Variants in UTRN observed in about 807,000 individuals in gnomAD.
UTRN encodes the protein utrophin.
In UTRN, 283 loss-of-function variants were observed where a neutral mutation model predicts 463.9. The observed-to-expected ratio is 0.61, with a 90% CI of 0.55 to 0.67. The LOEUF is 0.67. Among genes scored for constraint, UTRN ranks in the 30% least tolerant of loss-of-function variants. UTRN has a pLI of 0.00. For missense variants in UTRN, 3,922 were observed against 4,084.3 expected (o/e 0.96, Z 1.08); for synonymous variants, 1,442 against 1,431.5 (o/e 1.01, Z -0.17).
intron 3 of UTRN, among the ~76,000 whole-genome samples, chr6:144,404,386 C>T (rs1002858671): frequency 2.0e-5 from 3 of 152,132 alleles, no homozygotes; most frequent in African/African-American, 4.8e-5. Context: ...ATGTGCATCT[C>T]GGGCTTGACA....
chr6:144,313,305 T>C (rs1008780846), intron 2 of UTRN, among the ~76,000 whole-genome samples: 4 of 151,352 alleles, frequency 2.6e-5, no homozygotes, highest in African/African-American at 9.7e-5. Context: ...ATATGGCTTG[T>C]GCTGAGCTAG....
intron 19 of UTRN, among the ~76,000 whole-genome samples, chr6:144,455,989 A>G (rs954413373): frequency 4.6e-5 from 7 of 152,218 alleles, no homozygotes; most frequent in Non-Finnish European, 7.3e-5. Flanking sequence ...GCCCAATTTC[A>G]TAGGAAACCT....
intron 74 of UTRN, among the ~76,000 whole-genome samples, chr6:144,850,569 C>T (rs1782405342): frequency 6.6e-6 from 1 of 152,088 alleles, no homozygotes; most frequent in Non-Finnish European, 1.5e-5. Context: ...TGATTCCTGC[C>T]TTGCCTTCCT....
intron 2 of UTRN, among the ~76,000 whole-genome samples, chr6:144,328,018 A>G (rs987457946): frequency 2.6e-5 from 4 of 152,110 alleles, no homozygotes; most frequent in African/African-American, 9.7e-5. Flanking sequence ...TGAATTTCCA[A>G]CTGCTAGGCT....
At chr6:144,766,039 G>T (rs1793292042) in intron 58 of UTRN, among the ~76,000 whole-genome samples, 1 of 151,358 alleles carries the variant, frequency 6.6e-6, no homozygotes, top group African/African-American at 2.4e-5. Flanking sequence ...ATAACCTGAG[G>T]AATATATAAG....
Position 144,354,725 on chromosome 6 carries a change from T to C in UTRN, c.80-48398T>C, listed in dbSNP as rs1376288944. Among the ~76,000 whole-genome samples, 3 of 152,308 alleles carry C rather than the reference T, an allele frequency of 2.0e-5. No individual in the cohort carries two copies. The East Asian group carries it at 5.8e-4, about 29-fold the overall frequency. ...GACACCTTCTCTAGGAATTCTCTGC[T>C]GACTTCCAAGTGTGGGTTGGGTGCC... is the stretch of plus-strand genomic sequence containing the variant. On this transcript the variant is annotated intron_variant, in intron 2 of 74. Transcript: ENST00000367545.
intron 2 of UTRN, among the ~76,000 whole-genome samples, chr6:144,376,440 C>T (rs933071320): frequency 4.0e-5 from 6 of 149,904 alleles, no homozygotes; most frequent in African/African-American, 7.4e-5. Flanking sequence ...GGTGACAGAG[C>T]GACACTCTGT....
chr6:144,527,152 C>G (rs537459740), intron 41 of UTRN, among the ~76,000 whole-genome samples: 3 of 152,150 alleles, frequency 2.0e-5, no homozygotes, highest in African/African-American at 7.2e-5. Context: ...GGATTTGTTT[C>G]AAGACTTAGA....
intron 51 of UTRN, among the ~76,000 whole-genome samples, chr6:144,593,342 A>T (rs1030502135): frequency 2.0e-5 from 3 of 152,144 alleles, no homozygotes; most frequent in Non-Finnish European, 2.9e-5. Context: ...ATTTTATTAA[A>T]CTAAAAAAAT....
chr6:144,521,892 C>A, intron 39 of UTRN, 88 bp from the exon 40 acceptor site: 1 of 901,434 alleles, frequency 1.1e-6, no homozygotes, highest in Non-Finnish European at 1.4e-6. Flanking sequence ...TGCATTCCTT[C>A]ACACAATAGT....
At chr6:144,334,659 G>A (rs944587885) in intron 2 of UTRN, among the ~76,000 whole-genome samples, 1 of 152,152 alleles carries the variant, frequency 6.6e-6, no homozygotes, top group African/African-American at 2.4e-5. Context: ...GAAGACAGGA[G>A]GTATTGCATA....
At chr6:144,628,977 A>G (rs569139507) in intron 51 of UTRN, among the ~76,000 whole-genome samples, 1 of 152,326 alleles carries the variant, frequency 6.6e-6, no homozygotes, top group African/African-American at 2.4e-5. Flanking sequence ...AGGTTCTGCA[A>G]CTGTTAAATT....
chr6:144,675,350 G>C (rs1562747193), intron 51 of UTRN, among the ~76,000 whole-genome samples: 1 of 152,182 alleles, frequency 6.6e-6, no homozygotes, highest in Non-Finnish European at 1.5e-5. Flanking sequence ...ACCTGCTCCA[G>C]TGGAGGCTGC....
rs1188536654 is a variant in UTRN at position 144,451,430 on chromosome 6, G to A, written c.2133G>A (p.Gln711=). 1.9e-6 allele frequency: 3 copies of A among 1,613,214 alleles called. No homozygotes were observed. In the African/African-American group the frequency reaches 4.0e-5, roughly 22 times the overall value. The part of the protein sequence containing the change: ...NWILKWKTAI[Q]TTEIKEYMKM... The stretch of plus-strand genomic sequence containing the variant: ...TTTTGAAATGGAAAACTGCCATTCA[G>A]ACCACAGAGATAAAAGAGTATATGA... Residue 711 remains glutamine (Q), a synonymous_variant, in exon 18 of 75, where the codon CAG becomes CAA. Transcript: ENST00000367545.
intron 59 of UTRN, among the ~76,000 whole-genome samples, chr6:144,773,274 A>G (rs1453783778): frequency 2.0e-5 from 3 of 152,186 alleles, no homozygotes; most frequent in Non-Finnish European, 2.9e-5. Context: ...AGCTCCATGA[A>G]TAGTGAACTG....
At chr6:144,657,369 C>T (rs746329569) in intron 51 of UTRN, among the ~76,000 whole-genome samples, 3 of 151,784 alleles carry the variant, frequency 2.0e-5, no homozygotes, top group Non-Finnish European at 2.9e-5. Flanking sequence ...TCGTTTCTAC[C>T]TTAGCAGAGG....
chr6:144,454,112 T>C (rs1368188167), intron 19 of UTRN, among the ~76,000 whole-genome samples: 1 of 152,144 alleles, frequency 6.6e-6, no homozygotes, highest in Non-Finnish European at 1.5e-5. Flanking sequence ...CTGGATACCC[T>C]GATTAGCAGA....
intron 74 of UTRN, among the ~76,000 whole-genome samples, chr6:144,847,832 C>T (rs1782153110): frequency 1.3e-5 from 2 of 152,106 alleles, no homozygotes; most frequent in South Asian, 4.1e-4. Flanking sequence ...TAATTTTTCC[C>T]TTTAGCATAG....
intron 52 of UTRN, among the ~76,000 whole-genome samples, chr6:144,681,557 C>G (rs1052081876): frequency 1.3e-5 from 2 of 151,458 alleles, no homozygotes; most frequent in African/African-American, 4.8e-5. Flanking sequence ...GGCCTTTTGC[C>G]AGGGCCTTTT....
Sources: allele counts gnomAD v4.1 joint callset (sites outside exome capture counted in the v4.1 genomes callset), GRCh38; gene constraint gnomAD v4.1.1; transcripts MANE v1.5; gene names NCBI Gene and HGNC (gene_info 2026-07-23, HGNC 2026-07-21).